CCL17: variants seen among roughly 807,000 people sequenced by gnomAD.
The protein encoded by CCL17 is C-C motif chemokine 17.
A neutral mutation model predicts 7.4 loss-of-function variants in CCL17; 8 were observed. The observed-to-expected ratio is 1.09, with a 90% CI of 0.64 to 1.96. CCL17 has a LOEUF of 1.96. Ranked by LOEUF, CCL17 falls within the 30% of genes most tolerant of loss-of-function variation. The pLI, the probability that CCL17 is intolerant of heterozygous loss-of-function variation, is 0.00. For missense variants in CCL17, 102 were observed against 113.0 expected, an observed-to-expected ratio of 0.90 and a Z score of 0.44; for synonymous variants, 40 against 46.1, an observed-to-expected ratio of 0.87 and a Z score of 0.54.
In CCL17 at chr16:57,405,445, G is replaced by C. The variant is rs75145438; in HGVS notation, c.-60+609G>C. ...AGTCAAGGGCAAAGTTTCAGACTTGGGGGCAGATGGGGAGATGGGAAACAA... is the reference window on the plus strand; with the variant it reads ...AGTCAAGGGCAAAGTTTCAGACTTGCGGGCAGATGGGGAGATGGGAAACAA... On this transcript the variant is annotated intron_variant, in intron 1 of 3. Coordinates refer to ENST00000219244, the MANE Select transcript of CCL17 (RefSeq NM_002987.3). Among the ~76,000 whole-genome samples the C allele has an allele frequency of 2.3e-3, 356 of 152,262 alleles. 15 individuals carry two copies. The East Asian group carries it at 0.06, about 26-fold the overall frequency.
intron 1 of CCL17, among the ~76,000 whole-genome samples, chr16:57,410,438 C>A (rs1277139290): frequency 6.6e-6 from 1 of 152,168 alleles, no homozygotes; most frequent in Non-Finnish European, 1.5e-5. Context: ...CCTAATAGGC[C>A]TAACAGTGTC....
upstream of CCL17, among the ~76,000 whole-genome samples, chr16:57,400,173 C>T (rs140457931): frequency 0.028 from 4,198 of 152,038 alleles, 85 homozygotes; most frequent in South Asian, 0.087. Flanking sequence ...TCCTGGCTAA[C>T]GCGGTGAAAC....
intron 1 of CCL17, among the ~76,000 whole-genome samples, chr16:57,406,097 A>T (rs1475612155): frequency 1.3e-5 from 2 of 151,982 alleles, no homozygotes; most frequent in African/African-American, 4.8e-5. Flanking sequence ...AGATGATGTC[A>T]GGGAGGAAGG....
At chr16:57,414,082 A>G in intron 2 of CCL17, 80 bp downstream of exon 2, 1 of 1,122,654 alleles carries the variant, frequency 8.9e-7, no homozygotes, top group Middle Eastern at 2.8e-4. Context: ...ACAGCAATAC[A>G]CACGTTTGTG....
chr16:57,415,732 T>A lies in CCL17; in HGVS notation c.189-33T>A. ...GGGACTCTGGGGGCCCTTCCCCCCC[T>A]GCCACTCCTGGTAACGTCCTCCTTC... On this transcript the variant is annotated intron_variant, in intron 3 of 3. Transcript: ENST00000219244. The surrounding 1 kb of genome is among the most constrained non-coding windows in gnomAD (Gnocchi z 4.5). 1.4e-6 allele frequency: 2 copies of A among 1,434,046 alleles called. No homozygotes were observed. The highest frequency in any genetic ancestry group is 2.0e-6 in the Non-Finnish European group (2 of 1,015,784). The allele number at this position is 1,434,046 out of a possible 1,614,324, so 88.8% of individuals were successfully genotyped here.
chr16:57,409,209 G>T (rs557848448), intron 1 of CCL17, among the ~76,000 whole-genome samples: 3 of 152,318 alleles, frequency 2.0e-5, no homozygotes, highest in Non-Finnish European at 4.4e-5. Context: ...GAAGGAGTAA[G>T]GGTTCAAGCT....
At position 57,413,999 on chromosome 16, in the gene CCL17, G is replaced by T. The variant is rs550625736; in HGVS notation, c.67G>T (p.Ala23Ser). Residue 23 changes from alanine to serine, a missense_variant, in exon 2 of 4, where the codon GCA becomes TCA. Ala to Ser is a moderately conservative substitution (Grantham distance 99, BLOSUM62 1). Coordinates refer to ENST00000219244, the MANE Select transcript of CCL17 (RefSeq NM_002987.3). ...LLGASLQHIH[A>S]ARGTNVGREC... is the part of the protein sequence containing the mutation. ...GGGGGCTTCTCTGCAGCACATCCACGCAGGTGAGAGCAGGGGACAGGTGGC... is the reference window on the plus strand; with the variant it reads ...GGGGGCTTCTCTGCAGCACATCCACTCAGGTGAGAGCAGGGGACAGGTGGC... 1 of 1,610,294 alleles carries T rather than the reference G, an allele frequency of 6.2e-7. No homozygotes were observed. The highest frequency in any genetic ancestry group is 8.5e-7 in the Non-Finnish European group (1 of 1,178,516).
Position 57,415,709 on chromosome 16 carries a change from G to A in CCL17, c.189-56G>A, listed in dbSNP as rs1837320103. On this transcript the variant is annotated intron_variant, in intron 3 of 3. Coordinates refer to ENST00000219244, the MANE Select transcript of CCL17 (RefSeq NM_002987.3). This position sits in a 1 kb window ranked among gnomAD's most constrained non-coding sequence, Gnocchi z 4.5. ...TCAGCACAGGGCGGGCCGTCCCAGG[G>A]ACTCTGGGGGCCCTTCCCCCCCTGC... 1 of 1,165,692 alleles carries A rather than the reference G, an allele frequency of 8.6e-7. No homozygotes were observed. The allele number at this position is 1,165,692 out of a possible 1,614,324, so 72.2% of individuals were successfully genotyped here. A position where few individuals can be genotyped will look rare whatever the true frequency, so the allele number is the denominator to read the frequency against.
At chr16:57,405,014 C>T (rs925220806) in intron 1 of CCL17, among the ~76,000 whole-genome samples, 178 bp downstream of exon 1, 7 of 152,150 alleles carry the variant, frequency 4.6e-5, no homozygotes, top group South Asian at 2.1e-4. Context: ...AGTGAGGGGA[C>T]GCACTGGCCC....
the CCL17 span, among the ~76,000 whole-genome samples, chr16:57,396,571 G>C: frequency 6.6e-6 from 1 of 152,208 alleles, no homozygotes; most frequent in Non-Finnish European, 1.5e-5. Flanking sequence ...GCATTCACTA[G>C]TGGTGGGGGC....
chr16:57,402,842 A>T (rs1307175074), upstream of CCL17, among the ~76,000 whole-genome samples: 2 of 151,906 alleles, frequency 1.3e-5, no homozygotes, highest in South Asian at 2.1e-4. Flanking sequence ...AAAACTATGT[A>T]TTGAAGGCCT....
Position 57,413,958 on chromosome 16 carries a change from T to A in CCL17, c.26T>A (p.Leu9Gln). The change falls in exon 2 of 4, where the codon CTG becomes CAG. Residue 9 changes from leucine to glutamine, a missense_variant. Physicochemically the swap from Leu to Gln is moderately radical, Grantham distance 113. Transcript: ENST00000219244. Reference sequence around the variant, plus strand: ...ATGGCCCCACTGAAGATGCTGGCCCTGGTCACCCTCCTCCTGGGGGCTTCT... The same window carrying A: ...ATGGCCCCACTGAAGATGCTGGCCCAGGTCACCCTCCTCCTGGGGGCTTCT... MAPLKMLA[L>Q]VTLLLGASLQ... 6.2e-7 allele frequency: 1 copy of A among 1,610,638 alleles called. No homozygotes were observed. The highest frequency in any genetic ancestry group is 8.5e-7 in the Non-Finnish European group (1 of 1,178,674).
chr16:57,415,736 A>C lies in CCL17; in HGVS notation c.189-29A>C. On this transcript the variant is annotated intron_variant, in intron 3 of 3. Coordinates refer to ENST00000219244, the MANE Select transcript of CCL17 (RefSeq NM_002987.3). The surrounding 1 kb of genome is among the most constrained non-coding windows in gnomAD (Gnocchi z 4.5). ...CTCTGGGGGCCCTTCCCCCCCTGCCACTCCTGGTAACGTCCTCCTTCTGTG... is the reference window on the plus strand; with the variant it reads ...CTCTGGGGGCCCTTCCCCCCCTGCCCCTCCTGGTAACGTCCTCCTTCTGTG... 2.0e-6 allele frequency: 3 copies of C among 1,472,958 alleles called. No individual in the cohort carries two copies. Among genetic ancestry groups the C allele is most frequent in the Non-Finnish European group, 2.9e-6 (3 of 1,051,422 alleles). 91.2% of individuals were successfully genotyped at this position (1,472,958 alleles called of 1,614,324 possible).
Position 57,413,932 on chromosome 16 carries a change from C to T in CCL17, c.-1C>T, listed in dbSNP as rs1475455878. The T allele has an allele frequency of 1.2e-6, 2 of 1,606,332 alleles. No homozygotes were observed. The highest frequency in any genetic ancestry group is 1.7e-6 in the Non-Finnish European group (2 of 1,176,680). ...AGACTCCCTCCTGGGCTCCTGGCACCATGGCCCCACTGAAGATGCTGGCCC... is the reference window on the plus strand; with the variant it reads ...AGACTCCCTCCTGGGCTCCTGGCACTATGGCCCCACTGAAGATGCTGGCCC... On this transcript the variant is annotated 5_prime_UTR_variant, in exon 2 of 4. Coordinates refer to ENST00000219244, the MANE Select transcript of CCL17 (RefSeq NM_002987.3).
At chr16:57,409,661 C>T (rs372249881) in intron 1 of CCL17, among the ~76,000 whole-genome samples, 6 of 152,142 alleles carry the variant, frequency 3.9e-5, no homozygotes, top group South Asian at 2.1e-4. Flanking sequence ...TAACACACTT[C>T]GCTGATGGAC....
upstream of CCL17, among the ~76,000 whole-genome samples, chr16:57,403,440 ATATATATTATATTATAATATATAT>A (rs1902631986): frequency 1.1e-3 from 15 of 13,990 alleles, 2 homozygotes; most frequent in Non-Finnish European, 1.1e-3. Flanking sequence ...ATATTATAAT[ATATATATTATATTATAATATATAT>A]TATATTATAT....
chr16:57,402,873 C>T (rs1163589207), upstream of CCL17, among the ~76,000 whole-genome samples: 1 of 151,402 alleles, frequency 6.6e-6, no homozygotes, highest in African/African-American at 2.4e-5. Context: ...GAGATATATT[C>T]CATTAAAGAA....
upstream of CCL17, among the ~76,000 whole-genome samples, chr16:57,402,026 AG>A (rs1330770639): frequency 2.0e-5 from 3 of 152,246 alleles, no homozygotes; most frequent in African/African-American, 7.2e-5. Context: ...GCAGAAAGGA[AG>A]GGGGACCCTA....
upstream of CCL17, among the ~76,000 whole-genome samples, chr16:57,400,795 C>T (rs897262631): frequency 2.0e-5 from 3 of 151,920 alleles, no homozygotes; most frequent in African/African-American, 4.8e-5. Context: ...ATGGTGAAAC[C>T]CCATCTCTAC....
Sources: gnomAD v4.1 joint callset for allele counts (sites outside exome capture counted in the v4.1 genomes callset) on GRCh38, gnomAD v4.1.1 for gene constraint, Gnocchi (gnomAD v3.1) non-coding constraint, MANE v1.5 for transcripts, NCBI Gene and HGNC (gene_info 2026-07-23, HGNC 2026-07-21) for gene names.